The following GFRAL variants were observed in gnomAD, a reference collection of about 807,000 sequenced individuals.
GFRAL encodes the protein GDNF family receptor alpha-like.
Under a neutral mutation model 45.4 loss-of-function variants are expected in GFRAL, and 36 were observed. The observed-to-expected ratio is 0.79, with a 90% CI of 0.61 to 1.05. GFRAL has a LOEUF of 1.05. Among genes scored for constraint, GFRAL ranks in the 50% least tolerant of loss-of-function variants. GFRAL has a pLI of 0.00. For missense variants in GFRAL, 507 were observed against 467.5 expected (o/e 1.08, Z -0.78); for synonymous variants, 166 against 154.1 (o/e 1.08, Z -0.57).
intron 6 of GFRAL, 56 bp downstream of exon 6, chr6:55,359,194 T>C: frequency 7.1e-7 from 1 of 1,402,742 alleles, no homozygotes; most frequent in Non-Finnish European, 9.8e-7. Context: ...ATCATCTATC[T>C]ATCTATCTAT....
intron 3 of GFRAL, among the ~76,000 whole-genome samples, chr6:55,344,413 C>G (rs924147972): frequency 3.9e-5 from 6 of 152,120 alleles, no homozygotes; most frequent in Admixed American, 1.3e-4. Flanking sequence ...CATAACCCAG[C>G]ATATAAACAG....
At chr6:55,328,033 C>A (rs1010901164) in intron 1 of GFRAL, among the ~76,000 whole-genome samples, 18 of 151,932 alleles carry the variant, frequency 1.2e-4, no homozygotes, top group African/African-American at 4.1e-4. Flanking sequence ...AATTTACCTA[C>A]AGTGTTAATA....
At chr6:55,382,073 T>G (rs986152362) in intron 6 of GFRAL, among the ~76,000 whole-genome samples, 1 of 151,896 alleles carries the variant, frequency 6.6e-6, no homozygotes, top group African/African-American at 2.4e-5. Context: ...TAAAAAAGCT[T>G]CTTGGTTTTC....
chr6:55,391,130 T>A (rs1050745362), intron 6 of GFRAL, among the ~76,000 whole-genome samples: 8 of 149,146 alleles, frequency 5.4e-5, no homozygotes, highest in Admixed American at 4.6e-4. Flanking sequence ...TGTAGTCAAG[T>A]TTTTTCTAAT....
At chr6:55,346,570 A>C (rs576745392) in intron 3 of GFRAL, among the ~76,000 whole-genome samples, 21 of 152,128 alleles carry the variant, frequency 1.4e-4, no homozygotes, top group African/African-American at 1.9e-4. Context: ...GAGGGATAGC[A>C]TTAGGAGATA....
chr6:55,342,525 C>A (rs182198766), intron 3 of GFRAL, among the ~76,000 whole-genome samples: 39 of 152,196 alleles, frequency 2.6e-4, no homozygotes, highest in Admixed American at 2.1e-3. Flanking sequence ...CTGAAGGAAG[C>A]ACTAAACATG....
At chr6:55,372,562 T>C (rs1449805540) in intron 6 of GFRAL, among the ~76,000 whole-genome samples, 1 of 152,168 alleles carries the variant, frequency 6.6e-6, no homozygotes, top group African/African-American at 2.4e-5. Flanking sequence ...GCATAGGACC[T>C]CTAAGTCTTC....
intron 1 of GFRAL, among the ~76,000 whole-genome samples, chr6:55,330,191 G>T (rs547288322): frequency 6.6e-6 from 1 of 152,172 alleles, no homozygotes; most frequent in East Asian, 1.9e-4. Context: ...TAAATATCTG[G>T]AAGGTATTAT....
At chr6:55,378,446 C>A (rs1162642737) in intron 6 of GFRAL, among the ~76,000 whole-genome samples, 1 of 151,982 alleles carries the variant, frequency 6.6e-6, no homozygotes, top group Non-Finnish European at 1.5e-5. Context: ...TGGTAGAACA[C>A]TAACTGATCA....
At chr6:55,395,020 G>A (rs543500014) in intron 6 of GFRAL, among the ~76,000 whole-genome samples, 1 of 151,702 alleles carries the variant, frequency 6.6e-6, no homozygotes, top group East Asian at 1.9e-4. Flanking sequence ...TCTGATGGAG[G>A]TTCCCCATTT....
chr6:55,362,768 A>G (rs1768293603), intron 6 of GFRAL, among the ~76,000 whole-genome samples: 1 of 152,094 alleles, frequency 6.6e-6, no homozygotes, highest in South Asian at 2.1e-4. Flanking sequence ...TACCAGTTAT[A>G]TAGTCAACTA....
At chr6:55,370,325 T>A (rs1768434358) in intron 6 of GFRAL, among the ~76,000 whole-genome samples, 1 of 152,074 alleles carries the variant, frequency 6.6e-6, no homozygotes, top group Non-Finnish European at 1.5e-5. Context: ...TTTTGCCACA[T>A]TAAAAAAAAT....
intron 6 of GFRAL, among the ~76,000 whole-genome samples, chr6:55,363,782 G>A (rs1768313874): frequency 6.6e-6 from 1 of 151,270 alleles, no homozygotes; most frequent in South Asian, 2.1e-4. Flanking sequence ...CTTTTTTATG[G>A]CTGCATAGTA....
At chr6:55,377,999 C>T (rs1298949155) in intron 6 of GFRAL, among the ~76,000 whole-genome samples, 1 of 151,986 alleles carries the variant, frequency 6.6e-6, no homozygotes, top group Non-Finnish European at 1.5e-5. Context: ...CATCACTGAA[C>T]TTTATTCATA....
intron 6 of GFRAL, among the ~76,000 whole-genome samples, chr6:55,392,247 T>G (rs1212276345): frequency 6.6e-6 from 1 of 152,190 alleles, no homozygotes; most frequent in Admixed American, 6.5e-5. Flanking sequence ...TTATTTACAT[T>G]TTTCCCCTTA....
chr6:55,376,801 T>C (rs1391628918), intron 6 of GFRAL, among the ~76,000 whole-genome samples: 1 of 152,078 alleles, frequency 6.6e-6, no homozygotes, highest in Non-Finnish European at 1.5e-5. Context: ...GATTTATTGA[T>C]TTTTTGAAGG....
At chr6:55,334,964 G>T (rs1320959029) in intron 3 of GFRAL, among the ~76,000 whole-genome samples, 2 of 152,098 alleles carry the variant, frequency 1.3e-5, no homozygotes, top group African/African-American at 2.4e-5. Flanking sequence ...CAGGTTTTCA[G>T]GGATTAAAAA....
chr6:55,331,847 C>A lies in GFRAL; in HGVS notation c.155C>A (p.Ser52Ter). ...WRVMEDACNDSDPGDPCKMRN... is the reference protein window; with the variant it reads ...WRVMEDACND The stretch of plus-strand genomic sequence containing the variant: ...GTAATGGAAGATGCCTGCAATGATT[C>A]AGGTAAACAAGTTGCTAAAAATACA... Residue 52 changes from serine (S) to a stop codon, truncating the protein, a stop_gained and splice_region_variant, in exon 2 of 9, where the codon TCA (serine) becomes TAA (stop). Coordinates refer to ENST00000340465, the MANE Select transcript of GFRAL (RefSeq NM_207410.2). LOFTEE classifies it high-confidence loss of function. The A allele has an allele frequency of 1.2e-6, 2 of 1,607,174 alleles. No homozygotes were observed. The highest frequency in any genetic ancestry group is 1.3e-5 in the African/African-American group (1 of 74,734).
Position 55,357,138 on chromosome 6 carries a change from G to T in GFRAL, c.702-1750G>T, listed in dbSNP as rs374107917. Among the ~76,000 whole-genome samples the T allele has an allele frequency of 2.6e-5, 4 of 151,954 alleles. No homozygotes were observed. The East Asian group carries it at 5.8e-4, about 22-fold the overall frequency. ...TGGGTTACCATTGACAACGATCTGC[G>T]TGCTGAGGAGAATAATGTGTATTCT... is the stretch of plus-strand genomic sequence containing the variant. On this transcript the variant is annotated intron_variant, in intron 5 of 8. Coordinates refer to ENST00000340465, the MANE Select transcript of GFRAL (RefSeq NM_207410.2).
Sources: allele counts gnomAD v4.1 joint callset (sites outside exome capture counted in the v4.1 genomes callset), GRCh38; gene constraint gnomAD v4.1.1; transcripts MANE v1.5; gene names NCBI Gene and HGNC (gene_info 2026-07-23, HGNC 2026-07-21).